SRPK2: variants seen among roughly 807,000 people sequenced by gnomAD.
The protein encoded by SRPK2 is SFRS protein kinase 2.
A neutral mutation model predicts 90.8 loss-of-function variants in SRPK2; 21 were observed. The observed-to-expected ratio is 0.23, with a 90% CI of 0.16 to 0.33. SRPK2 has a LOEUF of 0.33. Among genes scored for constraint, SRPK2 ranks in the 10% least tolerant of loss-of-function variants. The pLI, the probability that SRPK2 is intolerant of heterozygous loss-of-function variation, is 1.00. For synonymous variants in SRPK2, 288 were observed against 311.1 expected, an observed-to-expected ratio of 0.93 and a Z score of 0.78; for missense variants, 620 against 869.0, an observed-to-expected ratio of 0.71 and a Z score of 3.60.
chr7:105,254,838 C>T (rs1376555129), intron 2 of SRPK2, among the ~76,000 whole-genome samples: 1 of 147,986 alleles, frequency 6.8e-6, no homozygotes, highest in East Asian at 1.9e-4. Flanking sequence ...TACAGGTGTA[C>T]ACCACCACAC....
At chr7:105,211,537 G>C (rs1796859227) in intron 2 of SRPK2, among the ~76,000 whole-genome samples, 1 of 152,130 alleles carries the variant, frequency 6.6e-6, no homozygotes, top group South Asian at 2.1e-4. Context: ...GCGCAACACA[G>C]TGTGGGAGCA....
upstream of SRPK2, among the ~76,000 whole-genome samples, chr7:105,393,337 G>A (rs755166577): frequency 5.6e-4 from 85 of 152,038 alleles, 1 homozygote; most frequent in Non-Finnish European, 1.1e-3. Flanking sequence ...TTACCATGTT[G>A]GCCAGGCTGG....
chr7:105,123,290 T>C (rs1321437340), intron 15 of SRPK2, among the ~76,000 whole-genome samples: 1 of 152,148 alleles, frequency 6.6e-6, no homozygotes, highest in Non-Finnish European at 1.5e-5. Context: ...TCTTAAATTA[T>C]ACGCAAGGAG....
chr7:105,340,120 TTCA>T (rs1424370133), intron 2 of SRPK2, among the ~76,000 whole-genome samples: 4 of 151,806 alleles, frequency 2.6e-5, no homozygotes, highest in African/African-American at 9.7e-5. Context: ...CATTATATGC[TTCA>T]TCATCATTTT....
At chr7:105,325,987 C>CT (rs958671832) in intron 2 of SRPK2, among the ~76,000 whole-genome samples, 36 of 152,228 alleles carry the variant, frequency 2.4e-4, no homozygotes, top group African/African-American at 8.7e-4. Context: ...ATAGCCTTGG[C>CT]TACCGGTCCC....
intron 2 of SRPK2, among the ~76,000 whole-genome samples, chr7:105,332,246 T>C (rs1018583993): frequency 2.0e-5 from 3 of 152,148 alleles, no homozygotes; most frequent in Non-Finnish European, 4.4e-5. Flanking sequence ...CTGAAGGGGA[T>C]GAAGCAAAAC....
At chr7:105,337,403 T>A (rs914148191) in intron 2 of SRPK2, among the ~76,000 whole-genome samples, 1 of 151,586 alleles carries the variant, frequency 6.6e-6, no homozygotes, top group Admixed American at 6.6e-5. Flanking sequence ...CAAACTCTGC[T>A]TCCCCGGTTC....
intron 2 of SRPK2, among the ~76,000 whole-genome samples, chr7:105,349,155 A>C: frequency 8.2e-6 from 1 of 122,014 alleles, no homozygotes; most frequent in Non-Finnish European, 1.7e-5. Flanking sequence ...AAAGAGAGAA[A>C]GAAAGAGGGG....
intron 2 of SRPK2, among the ~76,000 whole-genome samples, chr7:105,291,501 G>C (rs565253020): frequency 1.3e-5 from 2 of 152,068 alleles, no homozygotes; most frequent in African/African-American, 4.8e-5. Context: ...GGCCGAGGCA[G>C]GTGGATCACT....
intron 2 of SRPK2, among the ~76,000 whole-genome samples, chr7:105,311,985 T>C (rs2131395642): frequency 6.6e-6 from 1 of 152,310 alleles, no homozygotes; most frequent in South Asian, 2.1e-4. Context: ...AAACAAATTG[T>C]GGTACATATA....
chr7:105,278,130 A>G (rs1015833388), intron 2 of SRPK2, among the ~76,000 whole-genome samples: 3 of 152,016 alleles, frequency 2.0e-5, no homozygotes, highest in African/African-American at 7.3e-5. Flanking sequence ...AGCCTGGCCA[A>G]CAAGGTGAAA....
At chr7:105,179,810 G>A (rs1314879175) in intron 3 of SRPK2, among the ~76,000 whole-genome samples, 6 of 93,746 alleles carry the variant, frequency 6.4e-5, no homozygotes, top group Admixed American at 1.8e-4. Context: ...GGGCAACACA[G>A]TAAGAGTCCA....
intron 3 of SRPK2, among the ~76,000 whole-genome samples, chr7:105,177,446 T>C (rs891493736): frequency 5.9e-5 from 9 of 152,198 alleles, no homozygotes; most frequent in Admixed American, 1.3e-4. Context: ...GATGTTCTTA[T>C]GAATATTATT....
intron 8 of SRPK2, among the ~76,000 whole-genome samples, 199 bp from the exon 9 acceptor site, chr7:105,145,507 ACAG>A (rs1330330860): frequency 6.6e-6 from 1 of 152,244 alleles, no homozygotes; most frequent in African/African-American, 2.4e-5. Flanking sequence ...TCCTGAAGTC[ACAG>A]CAGAAGTTAC....
At chr7:105,372,245 A>G (rs915235427) in intron 2 of SRPK2, among the ~76,000 whole-genome samples, 1 of 152,102 alleles carries the variant, frequency 6.6e-6, no homozygotes, top group Non-Finnish European at 1.5e-5. Context: ...AAATGTCTAC[A>G]TAAAACAGCT....
upstream of SRPK2, among the ~76,000 whole-genome samples, chr7:105,390,538 C>T (rs1563326555): frequency 6.6e-6 from 1 of 152,014 alleles, no homozygotes; most frequent in Non-Finnish European, 1.5e-5. Context: ...AAGCCATTCT[C>T]CTGCCTCAGT....
At position 105,301,888 on chromosome 7, in the gene SRPK2, G is replaced by A. The variant is rs547543416; in HGVS notation, c.71+86760C>T. 8.8e-6 allele frequency: 14 copies of A among 1,598,982 alleles called. 1 individual carries two copies. The East Asian group carries it at 1.6e-4, about 18-fold the overall frequency. ...ACAATCCCATTAATTCCACAACATC[G>A]ATAAGCAATATCATCTCAATTGAAA... On this transcript the variant is annotated intron_variant, in intron 2 of 15. Coordinates refer to ENST00000393651, the MANE Select transcript of SRPK2 (RefSeq NM_182692.3).
chr7:105,365,721 C>A (rs1337429162), intron 2 of SRPK2, among the ~76,000 whole-genome samples: 1 of 151,618 alleles, frequency 6.6e-6, no homozygotes, highest in Non-Finnish European at 1.5e-5. Context: ...ATCATGTGAG[C>A]TTAGTAGGTC....
At chr7:105,244,572 TCAA>T in intron 2 of SRPK2, 4 of 607,332 alleles carry the variant, frequency 6.6e-6, no homozygotes, top group East Asian at 2.9e-5. Flanking sequence ...AGACTCCGTC[TCAA>T]CAACAATAAA....
Sources: allele counts gnomAD v4.1 joint callset (sites outside exome capture counted in the v4.1 genomes callset), GRCh38; gene constraint gnomAD v4.1.1; transcripts MANE v1.5; gene names NCBI Gene and HGNC (gene_info 2026-07-23, HGNC 2026-07-21).